The following FZD3 variants were observed in gnomAD, a reference collection of about 807,000 sequenced individuals.
The protein encoded by FZD3 is frizzled-3.
In FZD3, 30 loss-of-function variants were observed where a neutral mutation model predicts 60.7. That is an observed-to-expected ratio of 0.49 (90% CI 0.37 to 0.67). The LOEUF (loss-of-function observed/expected upper bound fraction) is 0.67. Ranked by LOEUF, FZD3 falls within the 30% of genes least tolerant of loss-of-function variation. FZD3 has a pLI of 0.00. For synonymous variants in FZD3, 246 were observed against 275.2 expected, an observed-to-expected ratio of 0.89 and a Z score of 1.05; for missense variants, 605 against 838.7, an observed-to-expected ratio of 0.72 and a Z score of 3.44.
intron 5 of FZD3, among the ~76,000 whole-genome samples, chr8:28,537,993 T>C (rs1805062489): frequency 6.6e-6 from 1 of 151,906 alleles, no homozygotes; most frequent in Non-Finnish European, 1.5e-5. Flanking sequence ...GGCGGGCGCC[T>C]GTAATCCCAG....
intron 5 of FZD3, among the ~76,000 whole-genome samples, chr8:28,549,037 A>G (rs1805355640): frequency 6.6e-6 from 1 of 152,210 alleles, no homozygotes; most frequent in Admixed American, 6.5e-5. Flanking sequence ...TCACAGCTCT[A>G]GAAGCTGGAA....
At chr8:28,508,285 C>G (rs554937431) in intron 3 of FZD3, among the ~76,000 whole-genome samples, 2 of 152,210 alleles carry the variant, frequency 1.3e-5, no homozygotes, top group African/African-American at 4.8e-5. Flanking sequence ...AATTCCGCGT[C>G]AAACTCTGAA....
At chr8:28,495,280 G>C (rs973681026) in intron 1 of FZD3, among the ~76,000 whole-genome samples, 9 of 152,186 alleles carry the variant, frequency 5.9e-5, no homozygotes, top group Non-Finnish European at 1.0e-4. Flanking sequence ...GCTCCATGAA[G>C]GAGGTCCGGC....
At chr8:28,553,670 G>T (rs1805452538) in intron 6 of FZD3, among the ~76,000 whole-genome samples, 1 of 152,130 alleles carries the variant, frequency 6.6e-6, no homozygotes, top group African/African-American at 2.4e-5. Context: ...TGCAGCTGTG[G>T]ATTCCCAACC....
At chr8:28,531,329 A>G (rs1804870664) in intron 5 of FZD3, among the ~76,000 whole-genome samples, 2 of 152,166 alleles carry the variant, frequency 1.3e-5, no homozygotes, top group Non-Finnish European at 2.9e-5. Flanking sequence ...ATATGTTGAT[A>G]TGTGTACTGA....
At chr8:28,554,017 C>T (rs570193011) in intron 6 of FZD3, among the ~76,000 whole-genome samples, 1 of 152,314 alleles carries the variant, frequency 6.6e-6, no homozygotes, top group South Asian at 2.1e-4. Flanking sequence ...CAGTCTGACT[C>T]CAGAGCTTTG....
intron 7 of FZD3, among the ~76,000 whole-genome samples, chr8:28,558,654 A>T (rs1003653008): frequency 1.3e-5 from 2 of 151,516 alleles, no homozygotes; most frequent in Non-Finnish European, 2.9e-5. Context: ...CTGGTCTCGA[A>T]CTCCTGGCGT....
chr8:28,558,649 C>T (rs1421985558), intron 7 of FZD3, among the ~76,000 whole-genome samples: 2 of 152,100 alleles, frequency 1.3e-5, no homozygotes, highest in East Asian at 1.9e-4. Flanking sequence ...CCAAGCTGGT[C>T]TCGAACTCCT....
At chr8:28,560,043 G>T (rs1367433963) in intron 7 of FZD3, among the ~76,000 whole-genome samples, 1 of 152,212 alleles carries the variant, frequency 6.6e-6, no homozygotes, top group Middle Eastern at 3.2e-3. Flanking sequence ...GGAGGTTTGG[G>T]AATGAATGAT....
At chr8:28,562,709 C>T in intron 7 of FZD3, 89 bp from the exon 8 acceptor site, 2 of 809,052 alleles carry the variant, frequency 2.5e-6, no homozygotes, top group Non-Finnish European at 4.1e-6. Flanking sequence ...AATAATTTCC[C>T]TTACTGAGGC....
intron 3 of FZD3, among the ~76,000 whole-genome samples, chr8:28,504,287 G>A (rs918558331): frequency 6.6e-6 from 1 of 152,126 alleles, no homozygotes; most frequent in Non-Finnish European, 1.5e-5. Flanking sequence ...CTGAGTACAC[G>A]AGGTCTAAGT....
At chr8:28,516,587 T>C (rs184191963) in intron 3 of FZD3, among the ~76,000 whole-genome samples, 2 of 152,306 alleles carry the variant, frequency 1.3e-5, no homozygotes, top group African/African-American at 4.8e-5. Flanking sequence ...TATTTTATAG[T>C]TTTCTGACTT....
intron 6 of FZD3, among the ~76,000 whole-genome samples, chr8:28,553,364 T>TA (rs2130460890): frequency 6.6e-6 from 1 of 152,358 alleles, no homozygotes; most frequent in African/African-American, 2.4e-5. Context: ...CCTGCTTTCT[T>TA]AGAGTGTCCT....
chr8:28,537,108 T>C (rs1431392367), intron 5 of FZD3, among the ~76,000 whole-genome samples: 1 of 152,226 alleles, frequency 6.6e-6, no homozygotes, highest in African/African-American at 2.4e-5. Flanking sequence ...GTTTCTGTAA[T>C]AGAGGAAAAG....
intron 3 of FZD3, among the ~76,000 whole-genome samples, chr8:28,515,982 C>G (rs1185401852): frequency 2.0e-5 from 3 of 152,102 alleles, no homozygotes; most frequent in African/African-American, 7.2e-5. Context: ...ACTGCTAAAT[C>G]CAAGGTCATG....
At chr8:28,503,824 C>T (rs1239125988) in intron 3 of FZD3, among the ~76,000 whole-genome samples, 2 of 152,128 alleles carry the variant, frequency 1.3e-5, no homozygotes, top group Non-Finnish European at 2.9e-5. Context: ...TGAATTCTAC[C>T]TCTACCACTT....
At chr8:28,516,205 G>A (rs1230712367) in intron 3 of FZD3, among the ~76,000 whole-genome samples, 2 of 152,008 alleles carry the variant, frequency 1.3e-5, no homozygotes. Context: ...AAATGAATTG[G>A]CCATACATGT....
At chr8:28,505,933 C>CAA (rs1377777729) in intron 3 of FZD3, among the ~76,000 whole-genome samples, 1 of 152,154 alleles carries the variant, frequency 6.6e-6, no homozygotes, top group Non-Finnish European at 1.5e-5. Flanking sequence ...CTCTGCCTTC[C>CAA]AAAACGTGCA....
chr8:28,520,546 T>G lies in FZD3; in HGVS notation c.190-92T>G. On this transcript the variant is annotated intron_variant, in intron 3 of 7. Coordinates refer to ENST00000240093, the MANE Select transcript of FZD3 (RefSeq NM_017412.4). The stretch of plus-strand genomic sequence containing the variant: ...AATTTTAATAACCCTCAGAATTTTC[T>G]TGTAATGAGAAAGAGAATGTTGCAG... The G allele has an allele frequency of 3.8e-6, 3 of 779,758 alleles. No individual in the cohort carries two copies. In the South Asian group the frequency reaches 1.1e-4, roughly 27 times the overall value. 48.3% of individuals were successfully genotyped at this position (779,758 alleles called of 1,614,324 possible).
Sources: gnomAD v4.1 joint callset for allele counts (sites outside exome capture counted in the v4.1 genomes callset) on GRCh38, gnomAD v4.1.1 for gene constraint, MANE v1.5 for transcripts, NCBI Gene and HGNC (gene_info 2026-07-23, HGNC 2026-07-21) for gene names.